The following ACADSB variants were observed in gnomAD, a reference collection of about 807,000 sequenced individuals.
The protein encoded by ACADSB is acyl-CoA dehydrogenase short/branched chain.
Under a neutral mutation model 54.1 loss-of-function variants are expected in ACADSB, and 40 were observed. The ratio of observed to expected loss-of-function variants is 0.74; its 90% CI spans 0.57 to 0.96. ACADSB has a LOEUF of 0.96. ACADSB is among the 40% of genes least tolerant of loss of function. The pLI is 0.00. For missense variants in ACADSB, 530 were observed against 510.4 expected, an observed-to-expected ratio of 1.04 and a Z score of -0.37; for synonymous variants, 182 against 182.8, an observed-to-expected ratio of 1.00 and a Z score of 0.03.
At chr10:123,016,217 T>C (rs1850107185) in intron 1 of ACADSB, among the ~76,000 whole-genome samples, 1 of 152,232 alleles carries the variant, frequency 6.6e-6, no homozygotes, top group African/African-American at 2.4e-5. Context: ...TCATCTGAAT[T>C]AAATTTAAAG....
Position 123,040,638 on chromosome 10 carries a change from AG to A in ACADSB, c.478del (p.Ala160ProfsTer12), listed in dbSNP as rs2133480858. On this transcript the variant is annotated frameshift_variant, in exon 4 of 11. Coordinates refer to ENST00000358776, the MANE Select transcript of ACADSB (RefSeq NM_001609.4). LOFTEE classifies it high-confidence loss of function. ...AGAAAACATGGAACAGAAGAACAAA[AG>A]GCCACCTATTTGCCTCAGCTCACTA... ...LIRKHGTEEQ[K>X]ATYLPQLTTE... 1.2e-6 allele frequency: 2 copies of A among 1,614,134 alleles called. No homozygotes were observed. The highest frequency in any genetic ancestry group is 3.3e-5 in the Admixed American group (2 of 60,026).
At chr10:123,009,736 CTTG>C (rs903455799) in intron 1 of ACADSB, among the ~76,000 whole-genome samples, 1 of 152,226 alleles carries the variant, frequency 6.6e-6, no homozygotes, top group African/African-American at 2.4e-5. Context: ...AAACCAGCCT[CTTG>C]TTGTGCTTAA....
intron 1 of ACADSB, among the ~76,000 whole-genome samples, chr10:123,033,450 T>G (rs1850354829): frequency 6.6e-6 from 1 of 152,206 alleles, no homozygotes; most frequent in African/African-American, 2.4e-5. Context: ...CTGCATTTGT[T>G]AAAGGATTTG....
intron 1 of ACADSB, among the ~76,000 whole-genome samples, chr10:123,016,944 T>C (rs1482024603): frequency 6.6e-6 from 1 of 152,188 alleles, no homozygotes; most frequent in Non-Finnish European, 1.5e-5. Flanking sequence ...GAATGCATAC[T>C]GAGGAGGTTG....
rs755718783 is a variant in ACADSB, at chr10:123,040,449, C to T, written c.304-17C>T. ...AAAATAGCTTTCTTAATCTATGTTG[C>T]CTTGTTTTTTCTTTAGTTGATGGGT... On this transcript the variant is annotated splice_polypyrimidine_tract_variant and intron_variant, in intron 3 of 10. Transcript: ENST00000358776. 1 of 1,604,638 alleles carries T rather than the reference C, an allele frequency of 6.2e-7. No homozygotes were observed. Among genetic ancestry groups the T allele is most frequent in the Admixed American group, 1.7e-5 (1 of 59,986 alleles).
At chr10:123,031,329 C>T (rs1176822907) in intron 1 of ACADSB, among the ~76,000 whole-genome samples, 1 of 152,184 alleles carries the variant, frequency 6.6e-6, no homozygotes, top group Non-Finnish European at 1.5e-5. Flanking sequence ...CTTCTAAGTG[C>T]AACAGAACTC....
intron 1 of ACADSB, among the ~76,000 whole-genome samples, chr10:123,010,704 C>T (rs544220922): frequency 1.3e-5 from 2 of 151,864 alleles, no homozygotes; most frequent in Non-Finnish European, 2.9e-5. Context: ...GAATAGTGCT[C>T]GGAATGTAGT....
chr10:123,011,626 G>A (rs116026037), intron 1 of ACADSB, among the ~76,000 whole-genome samples: 1,824 of 150,724 alleles, frequency 0.012, 47 homozygotes, highest in African/African-American at 0.04. Flanking sequence ...ACCCGGATTC[G>A]AGCGATTCTC....
At chr10:123,036,928 A>G (rs1423697988) in intron 2 of ACADSB, among the ~76,000 whole-genome samples, 2 of 152,242 alleles carry the variant, frequency 1.3e-5, no homozygotes, top group South Asian at 2.1e-4. Flanking sequence ...TGCCTTCTCT[A>G]CCGACTTGGT....
intron 5 of ACADSB, 39 bp downstream of exon 5, chr10:123,041,418 CCTT>C: frequency 6.3e-7 from 1 of 1,597,396 alleles, no homozygotes. Context: ...TTTCCAAACC[CCTT>C]CTTTTCTCTT....
chr10:123,056,254 T>TTA lies in ACADSB; in HGVS notation c.*2490_*2491dup, dbSNP rs1411535445. 4 of 200,480 alleles carry TTA rather than the reference T, an allele frequency of 2.0e-5. No individual in the cohort carries two copies. Among genetic ancestry groups the TTA allele is most frequent in the African/African-American group, 9.5e-5 (4 of 42,108 alleles). The allele number at this position is 200,480 out of a possible 1,614,324, so 12.4% of individuals were successfully genotyped here. On this transcript the variant is annotated 3_prime_UTR_variant, in exon 11 of 11. Transcript: ENST00000358776. The stretch of plus-strand genomic sequence containing the variant: ...TGAAGAAAAAGAGGTTTAATTGGAC[T>TTA]TACAGTTCCACATGGCCGGGGAGGC...
chr10:123,026,406 A>G (rs1850252200), intron 1 of ACADSB, among the ~76,000 whole-genome samples: 3 of 152,178 alleles, frequency 2.0e-5, no homozygotes, highest in Admixed American at 2.0e-4. Flanking sequence ...AGAAGTATGT[A>G]AATGTATCAT....
At chr10:123,010,753 A>G (rs1425002248) in intron 1 of ACADSB, among the ~76,000 whole-genome samples, 1 of 152,244 alleles carries the variant, frequency 6.6e-6, no homozygotes, top group Non-Finnish European at 1.5e-5. Context: ...GCCATGCACG[A>G]AGCATTGTGT....
At position 123,051,188 on chromosome 10, in the gene ACADSB, T is replaced by TAAAAAAAAAAAAAAAAAAAAAAGA. The variant is rs1589745935; in HGVS notation, c.1128+24_1128+25insGAAAAAAAAAAAAAAAAAAAAAAA. 1 of 1,015,738 alleles carries TAAAAAAAAAAAAAAAAAAAAAAGA rather than the reference T, an allele frequency of 9.8e-7. No individual in the cohort carries two copies. Among genetic ancestry groups the TAAAAAAAAAAAAAAAAAAAAAAGA allele is most frequent in the Non-Finnish European group, 1.2e-6 (1 of 824,600 alleles). 62.9% of individuals were successfully genotyped at this position (1,015,738 alleles called of 1,614,324 possible). On this transcript the variant is annotated splice_region_variant and intron_variant, in intron 9 of 10. Transcript: ENST00000358776. ...ATGGCCAAATACTATGCATCAGAGG[T>TAAAAAAAAAAAAAAAAAAAAAAGA]AAAAAAAAAAAAAAAAAAAAAAAAG... is the stretch of plus-strand genomic sequence containing the variant.
Position 123,037,602 on chromosome 10 carries a change from A to G in ACADSB, c.203-145A>G, listed in dbSNP as rs376631916. On this transcript the variant is annotated intron_variant, in intron 2 of 10. Coordinates refer to ENST00000358776, the MANE Select transcript of ACADSB (RefSeq NM_001609.4). ...GAAACTACACCTTTCTATGTTAAAA[A>G]GAAAACTTTATAAATTCTATTTTAA... The G allele has an allele frequency of 7.5e-4, 429 of 570,506 alleles. 7 individuals carry two copies. The South Asian group carries it at 1.0e-2, about 13-fold the overall frequency. 35.3% of individuals were successfully genotyped at this position (570,506 alleles called of 1,614,324 possible). A position where few individuals can be genotyped will look rare whatever the true frequency, so the allele number is the denominator to read the frequency against.
intron 2 of ACADSB, among the ~76,000 whole-genome samples, chr10:123,036,244 C>T (rs573983656): frequency 3.3e-5 from 5 of 152,328 alleles, no homozygotes; most frequent in East Asian, 1.9e-4. Flanking sequence ...TGTGCCACCA[C>T]GCCCAGCTAA....
intron 1 of ACADSB, among the ~76,000 whole-genome samples, chr10:123,014,665 G>A (rs1247478068): frequency 2.0e-5 from 3 of 152,178 alleles, no homozygotes; most frequent in Non-Finnish European, 4.4e-5. Context: ...GGGGAGGTAG[G>A]GTATCTGTTT....
At chr10:123,013,488 C>T (rs1420699846) in intron 1 of ACADSB, among the ~76,000 whole-genome samples, 4 of 152,260 alleles carry the variant, frequency 2.6e-5, no homozygotes, top group Admixed American at 6.5e-5. Context: ...CTGCCAGTCT[C>T]GCGCCTCGTG....
intron 1 of ACADSB, among the ~76,000 whole-genome samples, chr10:123,015,202 T>C (rs192582795): frequency 8.8e-4 from 134 of 152,372 alleles, no homozygotes; most frequent in Non-Finnish European, 4.4e-5. Context: ...ACTTTGCACA[T>C]GCAAATATAT....
Sources: allele counts gnomAD v4.1 joint callset (sites outside exome capture counted in the v4.1 genomes callset), GRCh38; gene constraint gnomAD v4.1.1; transcripts MANE v1.5; gene names NCBI Gene and HGNC (gene_info 2026-07-23, HGNC 2026-07-21).